HELZ: variants seen among roughly 807,000 people sequenced by gnomAD.
HELZ encodes the protein helicase with zinc finger.
HELZ carries 23 observed loss-of-function variants against 218.2 expected under a neutral mutation model. The observed-to-expected ratio is 0.11, with a 90% CI of 0.08 to 0.15. HELZ has a LOEUF of 0.15. HELZ is among the 10% of genes least tolerant of loss of function. HELZ has a pLI of 1.00. For missense variants in HELZ, 1,813 were observed against 2,353.7 expected, an observed-to-expected ratio of 0.77 and a Z score of 4.75; for synonymous variants, 814 against 829.4, an observed-to-expected ratio of 0.98 and a Z score of 0.32.
At position 67,098,970 on chromosome 17, in the gene HELZ, G is replaced by A. The variant is rs111615669; in HGVS notation, c.5241+8199C>T. Among the ~76,000 whole-genome samples, 469 of 152,186 alleles carry A rather than the reference G, an allele frequency of 3.1e-3. 3 individuals carry two copies. Among genetic ancestry groups the A allele is most frequent in the African/African-American group, 0.011 (438 of 41,506 alleles). ...TCTGCCAGAGGGTACTTCCTATACA[G>A]TAAAGGCCCCCAAACCAAAATTTTA... On this transcript the variant is annotated intron_variant, in intron 31 of 32. Coordinates refer to ENST00000358691, the MANE Select transcript of HELZ (RefSeq NM_014877.4).
At chr17:67,149,044 C>A (rs940819708) in intron 19 of HELZ, among the ~76,000 whole-genome samples, 1 of 152,134 alleles carries the variant, frequency 6.6e-6, no homozygotes, top group Admixed American at 6.5e-5. Flanking sequence ...GGGAGTCAAA[C>A]AGTTATTTCA....
At chr17:67,124,807 A>G (rs796872031) in intron 24 of HELZ, among the ~76,000 whole-genome samples, 1 of 152,184 alleles carries the variant, frequency 6.6e-6, no homozygotes, top group South Asian at 2.1e-4. Flanking sequence ...TTAGTCTACC[A>G]TTAAAAATGA....
intron 7 of HELZ, 23 bp downstream of exon 7, chr17:67,201,106 C>A (rs763299139): frequency 3.9e-6 from 6 of 1,540,854 alleles, no homozygotes; most frequent in Non-Finnish European, 4.5e-6. Context: ...CTCTTCCAAA[C>A]GGATCCACTG....
At chr17:67,131,163 T>C (rs1598288113) in intron 23 of HELZ, among the ~76,000 whole-genome samples, 1 of 152,206 alleles carries the variant, frequency 6.6e-6, no homozygotes, top group South Asian at 2.1e-4. Context: ...GCTAGGATTA[T>C]GGGCATGAGC....
Position 67,078,349 on chromosome 17 carries a change from T to C in HELZ, c.5732A>G (p.Glu1911Gly). ...RAPPKPRPPP[E>G]QAKKSSDPLS... Reference sequence around the variant, plus strand: ...AGGGTCGCTACTCTTCTTGGCCTGCTCAGGAGGGGGCCTGGGCTTTGGAGG... The same window carrying C: ...AGGGTCGCTACTCTTCTTGGCCTGCCCAGGAGGGGGCCTGGGCTTTGGAGG... The change falls in exon 33 of 33, where the codon GAG becomes GGG. Residue 1911 changes from glutamate to glycine, a missense_variant. Glu to Gly is a moderately conservative substitution (Grantham distance 98, BLOSUM62 -2). Transcript: ENST00000358691. 1 of 1,613,880 alleles carries C rather than the reference T, an allele frequency of 6.2e-7. No individual in the cohort carries two copies. Among genetic ancestry groups the C allele is most frequent in the South Asian group, 1.1e-5 (1 of 91,042 alleles).
At chr17:67,226,604 T>C (rs528645401) in intron 3 of HELZ, among the ~76,000 whole-genome samples, 2 of 152,278 alleles carry the variant, frequency 1.3e-5, no homozygotes, top group South Asian at 2.1e-4. Context: ...TAAAATCAAA[T>C]ACACACACTA....
chr17:67,122,980 A>G lies in HELZ; in HGVS notation c.3620T>C (p.Val1207Ala). Residue 1207 changes from valine (V) to alanine (A), a missense_variant, in exon 26 of 33, where the codon GTG (valine) becomes GCG (alanine). Coordinates refer to ENST00000358691, the MANE Select transcript of HELZ (RefSeq NM_014877.4). ...CGAATGTCCACTTACAGGTAAAGGCACCGACATAACTACATTCCCTCCATA... is the reference window on the plus strand; with the variant it reads ...CGAATGTCCACTTACAGGTAAAGGCGCCGACATAACTACATTCCCTCCATA... ...AVYGGNVVMS[V>A]PLPVPWTGYQ... The G allele has an allele frequency of 6.2e-7, 1 of 1,608,728 alleles. No individual in the cohort carries two copies. The highest frequency in any genetic ancestry group is 8.5e-7 in the Non-Finnish European group (1 of 1,175,402).
upstream of HELZ, chr17:67,245,285 C>T (rs2041453402): frequency 3.3e-6 from 3 of 918,880 alleles, no homozygotes; most frequent in East Asian, 1.2e-4. Flanking sequence ...CCCCTCCGGC[C>T]GCGCCTCCCG....
chr17:67,193,344 CAAAAA>C (rs34516607), intron 9 of HELZ, among the ~76,000 whole-genome samples: 2 of 91,900 alleles, frequency 2.2e-5, no homozygotes, highest in Non-Finnish European at 2.2e-5. Context: ...GACTCTGTCT[CAAAAA>C]AAAAAAAAAA....
intron 31 of HELZ, among the ~76,000 whole-genome samples, chr17:67,089,670 G>T (rs11079680): frequency 0.084 from 3,149 of 37,508 alleles, 71 homozygotes; most frequent in African/African-American, 0.14. Context: ...TATATATATA[G>T]AGAGAGAGAG....
chr17:67,116,670 T>C (rs1331000172), intron 27 of HELZ, among the ~76,000 whole-genome samples: 1 of 152,136 alleles, frequency 6.6e-6, no homozygotes, highest in Non-Finnish European at 1.5e-5. Flanking sequence ...ATTTATCTCC[T>C]AATAATAGAA....
chr17:67,076,846 C>G lies in HELZ; in HGVS notation c.*1406G>C, dbSNP rs1441218688. ...GGGTTCATTCGAAAGGTTCCCCAGC[C>G]TCATCTTATTTTTTTTTAAAAGTTT... On this transcript the variant is annotated 3_prime_UTR_variant, in exon 33 of 33. Transcript: ENST00000358691. The G allele has an allele frequency of 6.6e-6, 1 of 152,066 alleles. No homozygotes were observed. The highest frequency in any genetic ancestry group is 1.5e-5 in the Non-Finnish European group (1 of 68,018). 9.4% of individuals were successfully genotyped at this position (152,066 alleles called of 1,614,324 possible).
chr17:67,119,641 T>TA (rs932336918), intron 27 of HELZ, among the ~76,000 whole-genome samples: 3 of 152,132 alleles, frequency 2.0e-5, no homozygotes, highest in Non-Finnish European at 4.4e-5. Context: ...TAAACTTGAA[T>TA]AAAAAATACA....
rs996129596 is a variant in HELZ at position 67,188,325 on chromosome 17, T to C, written c.1156A>G (p.Thr386Ala). 1 of 1,607,742 alleles carries C rather than the reference T, an allele frequency of 6.2e-7. No homozygotes were observed. The highest frequency in any genetic ancestry group is 2.2e-5 in the East Asian group (1 of 44,754). Reference sequence around the variant, plus strand: ...AAAAAAGTCTAAATATTACCTTCTGTAGAAGCTGCATCAATCATTACTCTT... The same window carrying C: ...AAAAAAGTCTAAATATTACCTTCTGCAGAAGCTGCATCAATCATTACTCTT... ...MQRVMIDAAS[T>A]EDLEYLMHAK... Residue 386 changes from threonine to alanine, a missense_variant, in exon 12 of 33, where the codon ACA becomes GCA. By Grantham distance (58) the Thr-to-Ala change is moderately conservative. Around this residue, in one of 4 missense-constraint regions of HELZ, gnomAD observed 714 missense variants for 1,029.2 expected, o/e 0.69. Coordinates refer to ENST00000358691, the MANE Select transcript of HELZ (RefSeq NM_014877.4). This position sits in a 1 kb window ranked among gnomAD's most constrained non-coding sequence, Gnocchi z 4.1.
intron 2 of HELZ, among the ~76,000 whole-genome samples, chr17:67,240,497 T>TTA (rs1201520199): frequency 1.3e-5 from 2 of 152,204 alleles, no homozygotes; most frequent in African/African-American, 4.8e-5. Flanking sequence ...TTTAAAACTG[T>TTA]ATTAGTTAAA....
At position 67,168,044 on chromosome 17, in the gene HELZ, AC is replaced by A. The variant is rs1324228761; in HGVS notation, c.1431-249del. ...GTCGCCTAGGCTGGAGTACAGTGGC[AC>A]GATCTTGGCTCACTGCTACCTCTGC... On this transcript the variant is annotated intron_variant, in intron 13 of 32. Transcript: ENST00000358691. Among the ~76,000 whole-genome samples, 8 of 152,092 alleles carry A rather than the reference AC, an allele frequency of 5.3e-5. No individual in the cohort carries two copies. The East Asian group carries it at 1.5e-3, about 29-fold the overall frequency.
intron 31 of HELZ, among the ~76,000 whole-genome samples, chr17:67,092,426 TA>T (rs1217228025): frequency 6.6e-6 from 1 of 151,820 alleles, no homozygotes; most frequent in African/African-American, 2.4e-5. Flanking sequence ...GGGATAAAAT[TA>T]GGGGGGTTAA....
chr17:67,148,517 CCTA>C, intron 20 of HELZ, 49 bp downstream of exon 20: 1 of 1,540,386 alleles, frequency 6.5e-7, no homozygotes, highest in Non-Finnish European at 8.8e-7. Context: ...TGAGTTCCCT[CCTA>C]CTATCAGACC....
At chr17:67,142,766 TA>T (rs2038368922) in intron 21 of HELZ, among the ~76,000 whole-genome samples, 1 of 152,072 alleles carries the variant, frequency 6.6e-6, no homozygotes, top group Non-Finnish European at 1.5e-5. Flanking sequence ...TATTTTATTT[TA>T]TTTTTTTGAG....
Sources: gnomAD v4.1 joint callset for allele counts (sites outside exome capture counted in the v4.1 genomes callset) on GRCh38, gnomAD v4.1.1 for gene constraint, gnomAD v4.1.1 regional missense constraint, Gnocchi (gnomAD v3.1) non-coding constraint, MANE v1.5 for transcripts, NCBI Gene and HGNC (gene_info 2026-07-23, HGNC 2026-07-21) for gene names.